The following CACNA1C variants were observed in gnomAD, a reference collection of about 807,000 sequenced individuals.
The protein encoded by CACNA1C is voltage-dependent L-type calcium channel subunit alpha-1C.
CACNA1C carries 30 observed loss-of-function variants against 229.0 expected under a neutral mutation model. The observed-to-expected ratio is 0.13, with a 90% CI of 0.10 to 0.18. The LOEUF is 0.18. Among genes scored for constraint, CACNA1C ranks in the 10% least tolerant of loss-of-function variants. The pLI is 1.00. For missense variants in CACNA1C, 1,658 were observed against 2,845.0 expected (o/e 0.58, Z 9.49); for synonymous variants, 1,114 against 1,132.5 (o/e 0.98, Z 0.33).
At chr12:2,525,057 G>A (rs969508496) in intron 9 of CACNA1C, among the ~76,000 whole-genome samples, 1 of 152,216 alleles carries the variant, frequency 6.6e-6, no homozygotes, top group Admixed American at 6.5e-5. Flanking sequence ...TTGAGTTCAG[G>A]GTGCACAGGG....
chr12:2,585,504 G>A lies in CACNA1C; in HGVS notation c.2460+8G>A. ...TCTCCACCCGCCACCAAGGTGAGGA[G>A]CTGTCTCCTTCCTGGAGCTGTGAGG... On this transcript the variant is annotated splice_region_variant and intron_variant, in intron 17 of 46. Transcript: ENST00000399655. The surrounding 1 kb of genome is among the most constrained non-coding windows in gnomAD (Gnocchi z 4.1). The A allele has an allele frequency of 1.3e-6, 2 of 1,551,738 alleles. No individual in the cohort carries two copies. The highest frequency in any genetic ancestry group is 1.7e-6 in the Non-Finnish European group (2 of 1,146,618).
chr12:2,471,463 C>T (rs1475455683), intron 5 of CACNA1C, among the ~76,000 whole-genome samples: 1 of 152,184 alleles, frequency 6.6e-6, no homozygotes, highest in Non-Finnish European at 1.5e-5. Flanking sequence ...GGTATCATTT[C>T]CCCTTATCTT....
At chr12:2,667,269 C>T (rs1328059822) in intron 37 of CACNA1C, among the ~76,000 whole-genome samples, 1 of 152,142 alleles carries the variant, frequency 6.6e-6, no homozygotes, top group Non-Finnish European at 1.5e-5. Context: ...CCCTCCCCTC[C>T]ACCATGGCCA....
chr12:2,620,015 C>T (rs536928937), intron 29 of CACNA1C, among the ~76,000 whole-genome samples: 45 of 152,256 alleles, frequency 3.0e-4, no homozygotes, highest in Non-Finnish European at 5.3e-4. Flanking sequence ...AATGCCTACA[C>T]CTGAGATCAA....
chr12:2,566,023 C>T lies in CACNA1C; in HGVS notation c.1509-399C>T, dbSNP rs1293616596. Among the ~76,000 whole-genome samples the T allele has an allele frequency of 2.0e-5, 3 of 152,220 alleles. No homozygotes were observed. Among genetic ancestry groups the T allele is most frequent in the Admixed American group, 1.3e-4 (2 of 15,290 alleles). On this transcript the variant is annotated intron_variant, in intron 11 of 46. Transcript: ENST00000399655. The surrounding 1 kb of genome is among the most constrained non-coding windows in gnomAD (Gnocchi z 4.0). The stretch of plus-strand genomic sequence containing the variant: ...GGCATGAGAAGTGCCTGATGTGGTA[C>T]TGGGCCCCTCCTCCACTGTTACTAA...
chr12:2,509,929 G>A (rs576266238), intron 8 of CACNA1C, among the ~76,000 whole-genome samples: 10 of 152,306 alleles, frequency 6.6e-5, no homozygotes, highest in South Asian at 2.1e-4. Context: ...GTGAGTAGGC[G>A]CATTTGTAGA....
At chr12:2,344,387 CTGGGTTCTCTT>C (rs1378047385) in intron 3 of CACNA1C, among the ~76,000 whole-genome samples, 1 of 152,096 alleles carries the variant, frequency 6.6e-6, no homozygotes, top group African/African-American at 2.4e-5. Flanking sequence ...GAAGGTAGCT[CTGGGTTCTCTT>C]GCACCCTGGA....
chr12:2,317,107 CT>C (rs2095733055), intron 3 of CACNA1C, among the ~76,000 whole-genome samples: 1 of 152,124 alleles, frequency 6.6e-6, no homozygotes, highest in South Asian at 2.1e-4. Flanking sequence ...GTGGTGTTTC[CT>C]TAAAAAATTA....
At position 2,653,309 on chromosome 12, in the gene CACNA1C, C is replaced by CAGAT; in HGVS notation, c.4075-522_4075-519dup. ...GAGAAGTTAAGTGCCCCAACCCTCACAGATAGAAAGTGGCAGAAACAGGAT... is the reference window on the plus strand; with the variant it reads ...GAGAAGTTAAGTGCCCCAACCCTCACAGATAGATAGAAAGTGGCAGAAACAGGAT... On this transcript the variant is annotated intron_variant, in intron 32 of 46. Transcript: ENST00000399655. The surrounding 1 kb of genome is among the most constrained non-coding windows in gnomAD (Gnocchi z 4.7). Among the ~76,000 whole-genome samples the CAGAT allele has an allele frequency of 6.6e-6, 1 of 152,206 alleles. No individual in the cohort carries two copies. Among genetic ancestry groups the CAGAT allele is most frequent in the East Asian group, 1.9e-4 (1 of 5,198 alleles).
chr12:2,384,028 A>T (rs533607164), intron 3 of CACNA1C, among the ~76,000 whole-genome samples: 1 of 152,226 alleles, frequency 6.6e-6, no homozygotes, highest in Non-Finnish European at 1.5e-5. Flanking sequence ...CCACCCCTAC[A>T]TGGAGAACCT....
intron 7 of CACNA1C, among the ~76,000 whole-genome samples, chr12:2,499,266 G>A (rs373120932): frequency 4.7e-4 from 71 of 152,212 alleles, no homozygotes; most frequent in African/African-American, 1.7e-3. Flanking sequence ...CTGTCCCCCA[G>A]TGACAGTGTA....
intron 3 of CACNA1C, among the ~76,000 whole-genome samples, chr12:2,247,761 G>A (rs532993420): frequency 6.6e-5 from 10 of 152,292 alleles, no homozygotes; most frequent in Non-Finnish European, 1.3e-4. Context: ...GCCTCTTTGT[G>A]CTTCCTCTTT....
chr12:2,220,225 A>G (rs2061097782), intron 3 of CACNA1C, among the ~76,000 whole-genome samples: 1 of 151,992 alleles, frequency 6.6e-6, no homozygotes, highest in Admixed American at 6.6e-5. Context: ...CCTCTGCTCA[A>G]CTCCTTTGAG....
intron 26 of CACNA1C, 25 bp downstream of exon 26, chr12:2,607,155 C>G (rs368504889): frequency 1.3e-6 from 2 of 1,596,650 alleles, no homozygotes; most frequent in South Asian, 2.3e-5. Context: ...CAAGGCCCCA[C>G]GAGCCCTGAC....
Position 2,584,494 on chromosome 12 carries a change from CACAA to C in CACNA1C, c.2225-5_2225-2del, listed in dbSNP as rs773105585. 1.9e-6 allele frequency: 3 copies of C among 1,603,052 alleles called. No individual in the cohort carries two copies. Among genetic ancestry groups the C allele is most frequent in the Non-Finnish European group, 2.6e-6 (3 of 1,170,198 alleles). On this transcript the variant is annotated splice_region_variant and splice_polypyrimidine_tract_variant and intron_variant, in intron 15 of 46. Coordinates refer to ENST00000399655, the MANE Select transcript of CACNA1C (RefSeq NM_000719.7). ...AAGGGTCATTTTCTTTAAGAATGGA[CACAA>C]ACAGATATCCTACTGAATGTGTTCT...
intron 3 of CACNA1C, among the ~76,000 whole-genome samples, chr12:2,206,085 G>C (rs1392245342): frequency 6.6e-6 from 1 of 152,130 alleles, no homozygotes; most frequent in Non-Finnish European, 1.5e-5. Context: ...GAATTACCCT[G>C]ATTTGAGGAG....
At chr12:2,240,568 A>G (rs1450404766) in intron 3 of CACNA1C, among the ~76,000 whole-genome samples, 1 of 151,898 alleles carries the variant, frequency 6.6e-6, no homozygotes, top group African/African-American at 2.4e-5. Flanking sequence ...GGCTGGAAGG[A>G]CTCCTGGAGG....
intron 3 of CACNA1C, among the ~76,000 whole-genome samples, chr12:2,126,387 T>A (rs1286403429): frequency 2.0e-5 from 3 of 152,198 alleles, no homozygotes; most frequent in Non-Finnish European, 4.4e-5. Flanking sequence ...TATTACCTGT[T>A]AGGTAGATTG....
intron 3 of CACNA1C, among the ~76,000 whole-genome samples, chr12:2,404,828 G>C (rs534737163): frequency 6.6e-6 from 1 of 152,168 alleles, no homozygotes; most frequent in South Asian, 2.1e-4. Flanking sequence ...TCTTTGTGAA[G>C]AGTTAAGCAT....
Sources: allele counts gnomAD v4.1 joint callset (sites outside exome capture counted in the v4.1 genomes callset), GRCh38; gene constraint gnomAD v4.1.1; non-coding constraint Gnocchi (gnomAD v3.1); transcripts MANE v1.5; gene names NCBI Gene and HGNC (gene_info 2026-07-23, HGNC 2026-07-21).